The following GPATCH8 variants were observed in gnomAD, a reference collection of about 807,000 sequenced individuals.
GPATCH8 encodes G patch domain-containing protein 8.
GPATCH8 carries 18 observed loss-of-function variants against 118.3 expected under a neutral mutation model. The observed-to-expected ratio is 0.15, with a 90% CI of 0.11 to 0.23. GPATCH8 has a LOEUF of 0.23. Among genes scored for constraint, GPATCH8 ranks in the 10% least tolerant of loss-of-function variants. The pLI, the probability that GPATCH8 is intolerant of heterozygous loss-of-function variation, is 1.00. For synonymous variants in GPATCH8, 659 were observed against 684.7 expected (o/e 0.96, Z 0.59); for missense variants, 1,631 against 1,873.8 (o/e 0.87, Z 2.39).
At chr17:44,496,527 G>A (rs1200445900) in intron 1 of GPATCH8, among the ~76,000 whole-genome samples, 7 of 152,184 alleles carry the variant, frequency 4.6e-5, no homozygotes, top group African/African-American at 1.2e-4. Flanking sequence ...GACCAAATGC[G>A]TATTACAAAG....
intron 6 of GPATCH8, among the ~76,000 whole-genome samples, chr17:44,423,833 T>C (rs1297976359): frequency 1.3e-5 from 2 of 151,964 alleles, no homozygotes; most frequent in Non-Finnish European, 2.9e-5. Context: ...AGCAACAGAG[T>C]TTTTTGTTAA....
chr17:44,494,365 G>A (rs1207691384), intron 1 of GPATCH8, among the ~76,000 whole-genome samples: 3 of 152,176 alleles, frequency 2.0e-5, no homozygotes, highest in African/African-American at 7.2e-5. Flanking sequence ...GCCGAGGTGG[G>A]TGGATTACCT....
intron 1 of GPATCH8, among the ~76,000 whole-genome samples, chr17:44,487,002 ACAT>A (rs1228160731): frequency 1.3e-5 from 2 of 152,204 alleles, no homozygotes; most frequent in Non-Finnish European, 2.9e-5. Flanking sequence ...CAACATTGAC[ACAT>A]CATTATCAGC....
chr17:44,442,669 T>G (rs928239339), intron 3 of GPATCH8, among the ~76,000 whole-genome samples: 1 of 152,238 alleles, frequency 6.6e-6, no homozygotes, highest in Non-Finnish European at 1.5e-5. Context: ...TTCACCATAT[T>G]GCTCAGGCTG....
Position 44,397,750 on chromosome 17 carries a change from G to A in GPATCH8, c.4327C>T (p.Pro1443Ser), listed in dbSNP as rs910526158. ...GGCCCAGGATGGATGGCTGAGGCGG[G>A]AATGATGTGGATGGGATGGCTAGCG... ...FLASHPIHII[P>S]ASAIHPGPFT... The change falls in exon 8 of 8, where the codon CCC becomes TCC. Residue 1443 changes from proline (P) to serine (S), a missense_variant. By Grantham distance (74) the Pro-to-Ser change is moderately conservative (BLOSUM62 -1). This residue lies in a region of GPATCH8 where 65 missense variants were observed against 105.3 expected (regional missense o/e 0.62). Coordinates refer to ENST00000591680, the MANE Select transcript of GPATCH8 (RefSeq NM_001002909.4). The A allele has an allele frequency of 6.3e-7, 1 of 1,589,934 alleles. No homozygotes were observed. Among genetic ancestry groups the A allele is most frequent in the Non-Finnish European group, 8.6e-7 (1 of 1,165,416 alleles).
At chr17:44,421,470 A>G (rs2049899758) in intron 6 of GPATCH8, among the ~76,000 whole-genome samples, 1 of 151,422 alleles carries the variant, frequency 6.6e-6, no homozygotes, top group Admixed American at 6.6e-5. Flanking sequence ...GATTCAAGTG[A>G]TTCTCTTGCC....
chr17:44,476,465 A>C (rs1298838223), intron 1 of GPATCH8, among the ~76,000 whole-genome samples: 1 of 152,182 alleles, frequency 6.6e-6, no homozygotes, highest in Non-Finnish European at 1.5e-5. Context: ...TCAGCCTCCC[A>C]AAGTGCTGGG....
intron 1 of GPATCH8, among the ~76,000 whole-genome samples, chr17:44,480,870 T>TCAAAAA (rs71275958): frequency 0.06 from 9,137 of 151,164 alleles, 904 homozygotes; most frequent in African/African-American, 0.21. Context: ...GACTCCAGTC[T>TCAAAAA]CAAAAACAAA....
At chr17:44,427,164 C>G (rs2050120091) in intron 5 of GPATCH8, among the ~76,000 whole-genome samples, 1 of 151,726 alleles carries the variant, frequency 6.6e-6, no homozygotes. Flanking sequence ...TAGCATCGAC[C>G]TCCTGGGCTC....
intron 3 of GPATCH8, among the ~76,000 whole-genome samples, chr17:44,447,161 ATTT>A (rs555723475): frequency 1.5e-5 from 2 of 137,436 alleles, no homozygotes; most frequent in Non-Finnish European, 3.2e-5. Context: ...ATAAAAAAAA[ATTT>A]TTTTTTTTTT....
intron 1 of GPATCH8, among the ~76,000 whole-genome samples, chr17:44,491,691 T>A (rs544085419): frequency 9.2e-5 from 14 of 151,986 alleles, no homozygotes; most frequent in Non-Finnish European, 1.6e-4. Flanking sequence ...CTACAAAAAA[T>A]ACAAAAAATT....
intron 6 of GPATCH8, among the ~76,000 whole-genome samples, chr17:44,412,004 C>T (rs964797523): frequency 3.9e-5 from 6 of 152,182 alleles, no homozygotes; most frequent in African/African-American, 1.4e-4. Context: ...CTCACCGCAA[C>T]CTCTGCCTCC....
chr17:44,406,623 G>C lies in GPATCH8; in HGVS notation c.493-572C>G, dbSNP rs2049243501. On this transcript the variant is annotated intron_variant, in intron 6 of 7. Transcript: ENST00000591680. ...ATAACTATTAAATAAACCCAAGACA[G>C]GTCTTCCAGCGCTAGCATGTTTAGA... Among the ~76,000 whole-genome samples the C allele has an allele frequency of 2.6e-5, 4 of 151,454 alleles. No individual in the cohort carries two copies. In the South Asian group the frequency reaches 8.3e-4, roughly 31 times the overall value.
intron 5 of GPATCH8, among the ~76,000 whole-genome samples, chr17:44,429,600 A>C (rs2050218427): frequency 6.9e-6 from 1 of 145,422 alleles, no homozygotes; most frequent in Non-Finnish European, 1.5e-5. Context: ...ACCTGAGGTC[A>C]GGAGTTCGAG....
chr17:44,472,144 A>G lies in GPATCH8; in HGVS notation c.120+2685T>C, dbSNP rs114473220. On this transcript the variant is annotated intron_variant, in intron 2 of 7. Transcript: ENST00000591680. ...CTTTCAGAAGTAAATTTTCATTAGA[A>G]GTGTAATTACTAATATACATTTCTG... Among the ~76,000 whole-genome samples, 1,497 of 152,268 alleles carry G rather than the reference A, an allele frequency of 9.8e-3. 18 individuals are homozygous for G. The highest frequency in any genetic ancestry group is 0.034 in the African/African-American group (1,418 of 41,556).
chr17:44,488,684 T>C (rs1441548364), intron 1 of GPATCH8, among the ~76,000 whole-genome samples: 1 of 151,806 alleles, frequency 6.6e-6, no homozygotes, highest in African/African-American at 2.4e-5. Context: ...GATAATTGTA[T>C]TATAGTTAGT....
chr17:44,399,207 C>T lies in GPATCH8; in HGVS notation c.2870G>A (p.Arg957Gln), dbSNP rs200809651. ...RSHTRERSRS[R>Q]GRSRSSSCSR... ...ACAACTGCTGCTGCGGCTGCGGCCC[C>T]GGGATCTTGAGCGCTCTCTGGTATG... Residue 957 changes from arginine (R) to glutamine (Q), a missense_variant, in exon 8 of 8, where the codon CGG (arginine) becomes CAG (glutamine). Physicochemically the swap from Arg to Gln is conservative, Grantham distance 43. Transcript: ENST00000591680. The T allele has an allele frequency of 2.9e-4, 472 of 1,613,754 alleles. No homozygotes were observed. In the East Asian group the frequency reaches 3.0e-3, roughly 10 times the overall value.
Position 44,401,075 on chromosome 17 carries a change from G to A in GPATCH8, c.1002C>T (p.Pro334=), listed in dbSNP as rs751974281. ...EEGTSEDGTK[P]DEKSSDQGLQ... The stretch of plus-strand genomic sequence containing the variant: ...GTCCTTGGTCAGAACTCTTCTCATC[G>A]GGTTTTGTTCCATCTTCAGAGGTCC... The change falls in exon 8 of 8, where the codon CCC becomes CCT. Residue 334 remains proline, a synonymous_variant. Coordinates refer to ENST00000591680, the MANE Select transcript of GPATCH8 (RefSeq NM_001002909.4). 12 of 1,613,938 alleles carry A rather than the reference G, an allele frequency of 7.4e-6. No homozygotes were observed. Among genetic ancestry groups the A allele is most frequent in the East Asian group, 4.5e-5 (2 of 44,892 alleles).
At chr17:44,407,788 C>T (rs1485386735) in intron 6 of GPATCH8, among the ~76,000 whole-genome samples, 1 of 151,900 alleles carries the variant, frequency 6.6e-6, no homozygotes, top group African/African-American at 2.4e-5. Flanking sequence ...TCCCAAGTAG[C>T]TGGGATTACA....
Sources: allele counts gnomAD v4.1 joint callset (sites outside exome capture counted in the v4.1 genomes callset), GRCh38; gene constraint gnomAD v4.1.1; regional missense constraint gnomAD v4.1.1; transcripts MANE v1.5; gene names NCBI Gene and HGNC (gene_info 2026-07-23, HGNC 2026-07-21).